The following PRELID2 variants were observed in gnomAD, a reference collection of about 807,000 sequenced individuals.
The protein encoded by PRELID2 is PRELI domain-containing protein 2.
Under a neutral mutation model 28.4 loss-of-function variants are expected in PRELID2, and 25 were observed. That is an observed-to-expected ratio of 0.88 (90% CI 0.64 to 1.23). PRELID2 has a LOEUF of 1.23. PRELID2 is among the 50% of genes most tolerant of loss of function. The pLI is 0.00. For synonymous variants in PRELID2, 76 were observed against 71.6 expected (o/e 1.06, Z -0.31); for missense variants, 201 against 214.4 (o/e 0.94, Z 0.39).
the PRELID2 span, among the ~76,000 whole-genome samples, chr5:145,285,684 T>A: frequency 6.6e-6 from 1 of 152,174 alleles, no homozygotes; most frequent in East Asian, 1.9e-4. Flanking sequence ...CATTAATCTC[T>A]GCACAATTAG....
the PRELID2 span, among the ~76,000 whole-genome samples, chr5:145,413,264 C>G: frequency 6.6e-6 from 1 of 152,006 alleles, no homozygotes; most frequent in Non-Finnish European, 1.5e-5. Context: ...CAAGGAAATG[C>G]AAATCATAAC....
chr5:145,446,516 T>C, the PRELID2 span, among the ~76,000 whole-genome samples: 1 of 152,122 alleles, frequency 6.6e-6, no homozygotes, highest in African/African-American at 2.4e-5. Flanking sequence ...AATGTCCTCA[T>C]GTGCAAAAGA....
chr5:145,618,296 C>T (rs1753728889), intron 1 of PRELID2, among the ~76,000 whole-genome samples: 2 of 152,170 alleles, frequency 1.3e-5, no homozygotes, highest in South Asian at 4.1e-4. Context: ...CTGGTTCCTT[C>T]TCATTCGGAT....
Position 145,835,260 on chromosome 5 carries a change from G to T in PRELID2, c.-9C>A. On this transcript the variant is annotated 5_prime_UTR_variant, in exon 1 of 7. Coordinates refer to ENST00000683046, the MANE Select transcript of PRELID2 (RefSeq NM_205846.3). ...TCCACCGAGACCCCCATCCCCGCGC[G>T]CCGCGGGCCCCGCGCACCGGCCACG... The T allele has an allele frequency of 6.5e-7, 1 of 1,540,764 alleles. No individual in the cohort carries two copies. Among genetic ancestry groups the T allele is most frequent in the Non-Finnish European group, 8.8e-7 (1 of 1,140,026 alleles).
the PRELID2 span, among the ~76,000 whole-genome samples, chr5:145,245,714 C>G: frequency 1.3e-5 from 2 of 152,018 alleles, no homozygotes; most frequent in Non-Finnish European, 2.9e-5. Flanking sequence ...TGGATTCAAG[C>G]AGCTCTTAAA....
the PRELID2 span, among the ~76,000 whole-genome samples, chr5:145,238,048 C>T: frequency 1.3e-5 from 2 of 152,098 alleles, no homozygotes; most frequent in South Asian, 2.1e-4. Context: ...CACATTCCTT[C>T]TCACAAAGAC....
At chr5:145,743,683 GT>G (rs1435931235) in intron 1 of PRELID2, among the ~76,000 whole-genome samples, 7 of 152,138 alleles carry the variant, frequency 4.6e-5, no homozygotes, top group Non-Finnish European at 1.0e-4. Context: ...TGTGCAACCC[GT>G]GGGTCGGAAG....
At chr5:145,719,181 A>T (rs1160226732) in intron 1 of PRELID2, among the ~76,000 whole-genome samples, 1 of 151,976 alleles carries the variant, frequency 6.6e-6, no homozygotes, top group Non-Finnish European at 1.5e-5. Context: ...ATTTGTAGAG[A>T]ATGTGGGAAG....
the PRELID2 span, among the ~76,000 whole-genome samples, chr5:145,418,915 T>G: frequency 6.8e-6 from 1 of 146,794 alleles, no homozygotes; most frequent in Non-Finnish European, 1.5e-5. Flanking sequence ...GAGTGTGATA[T>G]TCCCCTTCCT....
the PRELID2 span, among the ~76,000 whole-genome samples, chr5:145,248,020 G>T: frequency 2.6e-5 from 4 of 152,038 alleles, no homozygotes; most frequent in Admixed American, 2.6e-4. Flanking sequence ...CGTCCCTGAA[G>T]AAAATCATAA....
rs536722582 is a variant in PRELID2, at chr5:145,714,123, C to T, written n.70+50808G>A. On this transcript the variant is annotated intron_variant and non_coding_transcript_variant, in intron 1 of 2. Coordinates refer to the PRELID2 transcript ENST00000510259. ...TTTATTTTTACCCTCTCGTCCCCTC[C>T]CCAACTCCCAGCAAGATGTCCTCAG... Among the ~76,000 whole-genome samples the T allele has an allele frequency of 1.8e-4, 28 of 152,176 alleles. No individual in the cohort carries two copies. The South Asian group carries it at 4.6e-3, about 25-fold the overall frequency.
At chr5:145,803,427 C>CT (rs1753274923) in intron 4 of PRELID2, among the ~76,000 whole-genome samples, 2 of 151,758 alleles carry the variant, frequency 1.3e-5, no homozygotes, top group African/African-American at 4.8e-5. Flanking sequence ...ACTATATATA[C>CT]ATATACATGC....
At chr5:145,464,476 A>T in the PRELID2 span, among the ~76,000 whole-genome samples, 1 of 152,316 alleles carries the variant, frequency 6.6e-6, no homozygotes, top group African/African-American at 2.4e-5. Flanking sequence ...TGCCTAAGAA[A>T]AAGGCAAGAA....
At chr5:145,300,232 T>G in the PRELID2 span, among the ~76,000 whole-genome samples, 1 of 152,146 alleles carries the variant, frequency 6.6e-6, no homozygotes. Flanking sequence ...CCTTCTTATC[T>G]GTTAAAACAA....
the PRELID2 span, among the ~76,000 whole-genome samples, chr5:145,261,818 C>A: frequency 6.6e-6 from 1 of 152,222 alleles, no homozygotes; most frequent in South Asian, 2.1e-4. Context: ...AGCTCACCAG[C>A]AATGGATCCA....
At chr5:145,732,546 T>G (rs148142338) in intron 1 of PRELID2, among the ~76,000 whole-genome samples, 6 of 152,318 alleles carry the variant, frequency 3.9e-5, no homozygotes, top group African/African-American at 1.2e-4. Flanking sequence ...AAATTTTAAT[T>G]GGATATAATG....
intron 1 of PRELID2, among the ~76,000 whole-genome samples, chr5:145,502,644 G>A (rs775550994): frequency 1.3e-5 from 2 of 152,124 alleles, no homozygotes; most frequent in Non-Finnish European, 2.9e-5. Context: ...TGAGGGCAGA[G>A]ACCACGTCTC....
At chr5:145,542,212 A>G (rs1050496217) in intron 1 of PRELID2, among the ~76,000 whole-genome samples, 3 of 152,072 alleles carry the variant, frequency 2.0e-5, no homozygotes, top group African/African-American at 7.2e-5. Flanking sequence ...CCTTTCCCCA[A>G]ACAGCTTTCC....
At chr5:145,737,787 CA>C (rs1561564903) in intron 1 of PRELID2, among the ~76,000 whole-genome samples, 1 of 152,000 alleles carries the variant, frequency 6.6e-6, no homozygotes, top group Non-Finnish European at 1.5e-5. Flanking sequence ...TCAGGGAGGG[CA>C]GGGGGCCAAT....
Sources: allele counts gnomAD v4.1 joint callset (sites outside exome capture counted in the v4.1 genomes callset), GRCh38; gene constraint gnomAD v4.1.1; transcripts MANE v1.5; gene names NCBI Gene and HGNC (gene_info 2026-07-23, HGNC 2026-07-21).